PTPRM: variants seen among roughly 807,000 people sequenced by gnomAD.
PTPRM encodes the protein receptor-type tyrosine-protein phosphatase mu.
A neutral mutation model predicts 186.7 loss-of-function variants in PTPRM; 47 were observed. That is an observed-to-expected ratio of 0.25 (90% CI 0.20 to 0.32). The LOEUF (loss-of-function observed/expected upper bound fraction) is 0.32, where lower values mean the gene tolerates loss of function less well. PTPRM is among the 10% of genes least tolerant of loss of function. The pLI is 1.00. For synonymous variants in PTPRM, 668 were observed against 674.9 expected (o/e 0.99, Z 0.16); for missense variants, 1,494 against 1,865.0 (o/e 0.80, Z 3.66).
At chr18:8,140,744 G>A (rs893146989) in intron 13 of PTPRM, among the ~76,000 whole-genome samples, 67 of 151,950 alleles carry the variant, frequency 4.4e-4, no homozygotes, top group African/African-American at 1.6e-3. Context: ...TCTTCAAAAG[G>A]AACTAAATGC....
intron 20 of PTPRM, among the ~76,000 whole-genome samples, chr18:8,312,385 G>A (rs76975731): frequency 0.011 from 1,746 of 152,236 alleles, 34 homozygotes; most frequent in African/African-American, 0.04. Context: ...GGTTCTTAAA[G>A]CAGATCACCA....
intron 22 of PTPRM, among the ~76,000 whole-genome samples, chr18:8,341,427 A>T (rs2095473991): frequency 1.3e-5 from 2 of 152,298 alleles, no homozygotes; most frequent in South Asian, 4.1e-4. Context: ...GGGGTCTTAC[A>T]CCGAGCAATC....
intron 1 of PTPRM, among the ~76,000 whole-genome samples, chr18:7,699,324 A>C (rs1277337806): frequency 1.3e-5 from 2 of 152,220 alleles, no homozygotes. Flanking sequence ...AGATATACTT[A>C]TCGAAAATAT....
chr18:8,171,872 G>A (rs1313455313), intron 14 of PTPRM, among the ~76,000 whole-genome samples: 2 of 152,108 alleles, frequency 1.3e-5, no homozygotes, highest in Admixed American at 6.5e-5. Context: ...ACTTAGGTTA[G>A]CCTAAGTGTT....
intron 4 of PTPRM, among the ~76,000 whole-genome samples, chr18:7,921,536 A>T (rs2050865909): frequency 6.6e-6 from 1 of 151,668 alleles, no homozygotes; most frequent in South Asian, 2.1e-4. Context: ...GCCTGCCACC[A>T]CGCCCATCTA....
intron 14 of PTPRM, among the ~76,000 whole-genome samples, chr18:8,197,308 G>A (rs536912155): frequency 3.9e-5 from 6 of 152,148 alleles, no homozygotes; most frequent in African/African-American, 7.2e-5. Context: ...TACAGATTCC[G>A]TGTCACTAAG....
intron 7 of PTPRM, among the ~76,000 whole-genome samples, chr18:7,973,624 T>G (rs1369622608): frequency 1.3e-5 from 2 of 152,156 alleles, no homozygotes; most frequent in East Asian, 1.9e-4. Context: ...TTCAAAATAT[T>G]TTTCTTATTC....
chr18:7,711,682 G>A (rs1434819578), intron 1 of PTPRM, among the ~76,000 whole-genome samples: 2 of 152,138 alleles, frequency 1.3e-5, no homozygotes, highest in African/African-American at 4.8e-5. Context: ...TTGAGTAAGC[G>A]GTTTTCCCCT....
intron 1 of PTPRM, among the ~76,000 whole-genome samples, chr18:7,678,313 G>A (rs2039397074): frequency 6.6e-6 from 1 of 152,164 alleles, no homozygotes; most frequent in South Asian, 2.1e-4. Flanking sequence ...TATTTCTCCA[G>A]CTAATGTTTC....
intron 1 of PTPRM, among the ~76,000 whole-genome samples, chr18:7,678,521 G>A (rs557712316): frequency 5.9e-5 from 9 of 152,206 alleles, no homozygotes; most frequent in East Asian, 1.9e-4. Flanking sequence ...ACGGGAGGCC[G>A]GCCTTCAGAG....
intron 7 of PTPRM, among the ~76,000 whole-genome samples, chr18:8,028,843 T>A (rs984933015): frequency 6.6e-6 from 1 of 152,204 alleles, no homozygotes; most frequent in Non-Finnish European, 1.5e-5. Context: ...AATGTAGTCA[T>A]GACAGTGTCT....
Position 8,199,955 on chromosome 18 carries a change from AT to A in PTPRM, c.2301-44102del, listed in dbSNP as rs201578901. ...CCCCAATTCCAAACAGAAAAAAAAAATCTTGTTGTTAAATAATATATGGGTA... is the reference window on the plus strand; with the variant it reads ...CCCCAATTCCAAACAGAAAAAAAAAACTTGTTGTTAAATAATATATGGGTA... On this transcript the variant is annotated intron_variant, in intron 14 of 32. Transcript: ENST00000580170. Among the ~76,000 whole-genome samples, 509 of 152,270 alleles carry A rather than the reference AT, an allele frequency of 3.3e-3. 3 individuals are homozygous for A. The highest frequency in any genetic ancestry group is 0.012 in the African/African-American group (484 of 41,544).
At chr18:8,249,144 C>T (rs543658869) in intron 17 of PTPRM, among the ~76,000 whole-genome samples, 3 of 152,288 alleles carry the variant, frequency 2.0e-5, no homozygotes, top group East Asian at 1.9e-4. Flanking sequence ...CTCAGTTGTT[C>T]GACTTCTCCT....
At chr18:7,896,412 A>C (rs938832683) in intron 3 of PTPRM, among the ~76,000 whole-genome samples, 37 of 152,258 alleles carry the variant, frequency 2.4e-4, no homozygotes, top group African/African-American at 8.7e-4. Flanking sequence ...CCTACCCAGA[A>C]TTTCAGCCTT....
intron 1 of PTPRM, among the ~76,000 whole-genome samples, chr18:7,578,923 T>G (rs1384179932): frequency 1.3e-5 from 2 of 152,172 alleles, no homozygotes; most frequent in Non-Finnish European, 2.9e-5. Context: ...ATTACAGATT[T>G]AAGCATAGGA....
At chr18:8,139,967 T>G (rs1315070051) in intron 13 of PTPRM, among the ~76,000 whole-genome samples, 2 of 152,234 alleles carry the variant, frequency 1.3e-5, no homozygotes, top group Non-Finnish European at 2.9e-5. Context: ...GGCAAGCAGT[T>G]AGCTACTCAA....
chr18:8,310,032 C>T (rs79062780), intron 20 of PTPRM, among the ~76,000 whole-genome samples: 1,829 of 152,210 alleles, frequency 0.012, 29 homozygotes, highest in African/African-American at 0.041. Flanking sequence ...TTCCATCACC[C>T]ACCCCAAGCT....
At chr18:7,716,264 G>C (rs2040329182) in intron 1 of PTPRM, among the ~76,000 whole-genome samples, 1 of 152,154 alleles carries the variant, frequency 6.6e-6, no homozygotes, top group Admixed American at 6.5e-5. Context: ...ATGGGGAAAA[G>C]ATTCCCTATT....
intron 1 of PTPRM, among the ~76,000 whole-genome samples, chr18:7,759,261 A>G (rs2041656180): frequency 6.6e-6 from 1 of 152,220 alleles, no homozygotes; most frequent in South Asian, 2.1e-4. Flanking sequence ...AGTGTCCAAT[A>G]TGGCCAAGGG....
Sources: allele counts gnomAD v4.1 joint callset (sites outside exome capture counted in the v4.1 genomes callset), GRCh38; gene constraint gnomAD v4.1.1; transcripts MANE v1.5; gene names NCBI Gene and HGNC (gene_info 2026-07-23, HGNC 2026-07-21).